Variants in TDRD3 observed in about 807,000 individuals in gnomAD.
TDRD3 encodes tudor domain containing 3.
TDRD3 carries 45 observed loss-of-function variants against 86.7 expected under a neutral mutation model. That is an observed-to-expected ratio of 0.52 (90% CI 0.41 to 0.67). The LOEUF (loss-of-function observed/expected upper bound fraction) is 0.67, where lower values mean the gene tolerates loss of function less well. Ranked by LOEUF, TDRD3 falls within the 30% of genes least tolerant of loss-of-function variation. The pLI is 0.00. For synonymous variants in TDRD3, 298 were observed against 301.7 expected (o/e 0.99, Z 0.13); for missense variants, 814 against 889.0 (o/e 0.92, Z 1.07).
At chr13:60,544,814 T>A (rs1415248727) in intron 12 of TDRD3, among the ~76,000 whole-genome samples, 1 of 152,204 alleles carries the variant, frequency 6.6e-6, no homozygotes, top group Non-Finnish European at 1.5e-5. Context: ...AGTGAGTTCA[T>A]GCAAAGGAAC....
chr13:60,538,891 T>G (rs1278031911), intron 12 of TDRD3, among the ~76,000 whole-genome samples: 3 of 152,160 alleles, frequency 2.0e-5, no homozygotes, highest in African/African-American at 7.2e-5. Flanking sequence ...TATATATTAA[T>G]GACCTGAATT....
At chr13:60,501,596 CTAAACATCCTTCTTTT>C (rs1219775771) in intron 8 of TDRD3, among the ~76,000 whole-genome samples, 1 of 152,166 alleles carries the variant, frequency 6.6e-6, no homozygotes, top group African/African-American at 2.4e-5. Context: ...CCTACTTGTC[CTAAACATCCTTCTTTT>C]TAAACAACCA....
rs71199007 is a variant in TDRD3 at position 60,541,716 on chromosome 13, CTTTTTTTTTTT to C, written c.2118+6503_2118+6513del. ...AGATGGATTTTTCCTTCAGCATAGT[CTTTTTTTTTTT>C]TTTTTTTTTTTTTTTTTTTGAGACG... On this transcript the variant is annotated intron_variant, in intron 12 of 13. Transcript: ENST00000377881. Among the ~76,000 whole-genome samples the C allele has an allele frequency of 1.0e-3, 41 of 41,032 alleles. 1 individual carries two copies. Among genetic ancestry groups the C allele is most frequent in the South Asian group, 3.9e-3 (3 of 764 alleles). The allele number at this position is 41,032 out of a possible 152,430, so 26.9% of individuals were successfully genotyped here. A position where few individuals can be genotyped will look rare whatever the true frequency, so the allele number is the denominator to read the frequency against.
chr13:60,557,819 G>GTTTT (rs1491187240), intron 12 of TDRD3, among the ~76,000 whole-genome samples: 12 of 89,954 alleles, frequency 1.3e-4, no homozygotes, highest in Admixed American at 2.3e-4. Flanking sequence ...TTTTTTTCCT[G>GTTTT]ATTTTTTTTT....
At chr13:60,458,688 A>T (rs1955734047) in intron 3 of TDRD3, among the ~76,000 whole-genome samples, 1 of 152,100 alleles carries the variant, frequency 6.6e-6, no homozygotes, top group Non-Finnish European at 1.5e-5. Context: ...AAGTGGTCTA[A>T]CTCTGTGCTC....
In TDRD3 at chr13:60,426,829, A is replaced by C. The variant is rs149226395; in HGVS notation, c.42-12859A>C. Among the ~76,000 whole-genome samples the C allele has an allele frequency of 3.9e-5, 6 of 152,320 alleles. No individual in the cohort carries two copies. In the East Asian group the frequency reaches 1.2e-3, roughly 29 times the overall value. ...TGTTCTAGAAATGTGTTCTCAAGCA[A>C]CTTTGTCACTGTGGGAACGTCACAG... On this transcript the variant is annotated intron_variant, in intron 1 of 13. Transcript: ENST00000377881.
At position 60,397,420 on chromosome 13, in the gene TDRD3, C is replaced by T. The variant is rs1035355657; in HGVS notation, c.41+15C>T. 4 of 1,483,930 alleles carry T rather than the reference C, an allele frequency of 2.7e-6. No homozygotes were observed. The highest frequency in any genetic ancestry group is 3.6e-6 in the Non-Finnish European group (4 of 1,118,782). The allele number at this position is 1,483,930 out of a possible 1,614,324, so 91.9% of individuals were successfully genotyped here. A position where few individuals can be genotyped will look rare whatever the true frequency, so the allele number is the denominator to read the frequency against. ...CAGGCGGGTTGGTAAGTGGCGAGTC[C>T]CGCCGGCTGCCGGGCCGCGGGTGCG... is the stretch of plus-strand genomic sequence containing the variant. On this transcript the variant is annotated intron_variant, in intron 1 of 13. Transcript: ENST00000377881.
intron 12 of TDRD3, among the ~76,000 whole-genome samples, chr13:60,565,828 G>A (rs1255865409): frequency 6.6e-6 from 1 of 152,074 alleles, no homozygotes; most frequent in African/African-American, 2.4e-5. Context: ...AAATCATTCA[G>A]AACACTGACC....
chr13:60,449,772 T>G (rs2138003937), intron 3 of TDRD3, among the ~76,000 whole-genome samples: 1 of 152,212 alleles, frequency 6.6e-6, no homozygotes, highest in African/African-American at 2.4e-5. Context: ...ATATTTATAA[T>G]TTAGAAAGTT....
intron 12 of TDRD3, among the ~76,000 whole-genome samples, chr13:60,565,166 C>T (rs1303878127): frequency 6.7e-6 from 1 of 149,620 alleles, no homozygotes; most frequent in Non-Finnish European, 1.5e-5. Flanking sequence ...CGCCATTCTC[C>T]TGCCTCAGTC....
intron 8 of TDRD3, among the ~76,000 whole-genome samples, chr13:60,499,297 A>G (rs1268014159): frequency 2.6e-5 from 4 of 152,284 alleles, no homozygotes; most frequent in East Asian, 3.9e-4. Context: ...GGTGACTCCA[A>G]TTGCAGCTGC....
chr13:60,507,662 C>A (rs1382376584), intron 8 of TDRD3, among the ~76,000 whole-genome samples: 1 of 151,964 alleles, frequency 6.6e-6, no homozygotes, highest in Non-Finnish European at 1.5e-5. Flanking sequence ...CAAAAAATAC[C>A]AGAATCTCTG....
intron 1 of TDRD3, among the ~76,000 whole-genome samples, chr13:60,434,312 A>G (rs1227266752): frequency 6.6e-6 from 1 of 151,904 alleles, no homozygotes; most frequent in Non-Finnish European, 1.5e-5. Context: ...TCTATAAAAT[A>G]AAATAATTAA....
chr13:60,541,601 T>G (rs1354338293), intron 12 of TDRD3, among the ~76,000 whole-genome samples: 1 of 151,920 alleles, frequency 6.6e-6, no homozygotes, highest in Non-Finnish European at 1.5e-5. Context: ...CATTGGTTAA[T>G]TAAGAAGTAT....
At chr13:60,454,113 T>A (rs1594951684) in intron 3 of TDRD3, among the ~76,000 whole-genome samples, 1 of 151,818 alleles carries the variant, frequency 6.6e-6, no homozygotes, top group East Asian at 1.9e-4. Flanking sequence ...CTTCTTTCCC[T>A]ATTTTGATTA....
chr13:60,477,179 A>C (rs547863536), intron 5 of TDRD3, among the ~76,000 whole-genome samples: 1 of 150,576 alleles, frequency 6.6e-6, no homozygotes, highest in South Asian at 2.1e-4. Context: ...GATGTTGGCT[A>C]TACGTTTGTT....
chr13:60,506,764 A>G (rs1595040386), intron 8 of TDRD3, among the ~76,000 whole-genome samples: 1 of 152,328 alleles, frequency 6.6e-6, no homozygotes, highest in East Asian at 1.9e-4. Context: ...AACAAAAAAA[A>G]GAACATCGAC....
chr13:60,397,125 G>A (rs966028873), upstream of TDRD3: 9 of 379,142 alleles, frequency 2.4e-5, no homozygotes, highest in African/African-American at 1.7e-4. Flanking sequence ...ATCAGGTCCC[G>A]GAGCTCCGCA....
intron 3 of TDRD3, among the ~76,000 whole-genome samples, chr13:60,454,903 T>TATTG (rs1955630398): frequency 6.6e-6 from 1 of 152,046 alleles, no homozygotes; most frequent in Non-Finnish European, 1.5e-5. Flanking sequence ...ATCCCACCTC[T>TATTG]ATTGATTGAT....
Sources: gnomAD v4.1 joint callset for allele counts (sites outside exome capture counted in the v4.1 genomes callset) on GRCh38, gnomAD v4.1.1 for gene constraint, MANE v1.5 for transcripts, NCBI Gene and HGNC (gene_info 2026-07-23, HGNC 2026-07-21) for gene names.